RERE: variants seen among roughly 807,000 people sequenced by gnomAD.
RERE encodes arginine-glutamic acid dipeptide repeats, also known as arginine-glutamic acid dipeptide repeats protein.
In RERE, 40 loss-of-function variants were observed where a neutral mutation model predicts 146.1. That is an observed-to-expected ratio of 0.27 (90% CI 0.21 to 0.36). The LOEUF (loss-of-function observed/expected upper bound fraction) is 0.36. RERE is among the 10% of genes least tolerant of loss of function. The pLI is 1.00. For synonymous variants in RERE, 1,003 were observed against 866.0 expected (o/e 1.16, Z -2.78); for missense variants, 1,933 against 2,138.7 (o/e 0.90, Z 1.90).
At chr1:8,472,130 G>T (rs969632649) in intron 10 of RERE, among the ~76,000 whole-genome samples, 2 of 152,130 alleles carry the variant, frequency 1.3e-5, no homozygotes, top group Admixed American at 1.3e-4. Context: ...TCTTTCTTTA[G>T]ATGAGGATAA....
At chr1:8,608,368 G>A (rs866285950) in intron 4 of RERE, among the ~76,000 whole-genome samples, 4 of 152,076 alleles carry the variant, frequency 2.6e-5, no homozygotes, top group African/African-American at 9.7e-5. Flanking sequence ...TAAATTTTAG[G>A]TAGCATACAC....
At chr1:8,465,883 C>A in intron 11 of RERE, 42 bp downstream of exon 11, 1 of 1,559,364 alleles carries the variant, frequency 6.4e-7, no homozygotes, top group South Asian at 1.1e-5. Flanking sequence ...CGCCGGTGGC[C>A]CGATGCCCCA....
chr1:8,696,544 G>A (rs957292802), intron 1 of RERE, among the ~76,000 whole-genome samples: 1 of 152,112 alleles, frequency 6.6e-6, no homozygotes, highest in African/African-American at 2.4e-5. Flanking sequence ...CACCCGCAAG[G>A]TGGAGGTTGC....
At chr1:8,567,404 ACACT>A (rs942247413) in intron 4 of RERE, among the ~76,000 whole-genome samples, 13 of 152,236 alleles carry the variant, frequency 8.5e-5, no homozygotes, top group African/African-American at 2.9e-4. Context: ...CTACATACAA[ACACT>A]CAGAAAGATG....
chr1:8,428,589 G>GT (rs1570219402), intron 11 of RERE: 2 of 152,066 alleles, frequency 1.3e-5, no homozygotes, highest in Admixed American at 6.5e-5. Flanking sequence ...CTTTAAAAAA[G>GT]TAAGTTACCT....
intron 7 of RERE, among the ~76,000 whole-genome samples, chr1:8,510,588 G>A (rs1054046671): frequency 6.6e-6 from 1 of 152,180 alleles, no homozygotes; most frequent in Admixed American, 6.5e-5. Flanking sequence ...AATCACAAGC[G>A]CTTCTTTAAG....
chr1:8,387,922 C>A (rs914516131), intron 12 of RERE, among the ~76,000 whole-genome samples: 18 of 152,140 alleles, frequency 1.2e-4, no homozygotes, highest in African/African-American at 4.3e-4. Context: ...CTAAAGAATT[C>A]GTGTGCATGT....
At chr1:8,624,165 A>G (rs1646947220) in intron 3 of RERE, 145 bp downstream of exon 3, 1 of 645,042 alleles carries the variant, frequency 1.6e-6, no homozygotes, top group South Asian at 2.0e-5. Flanking sequence ...CCCTCATTTC[A>G]GTGCTACTGC....
chr1:8,606,705 T>C (rs912582187), intron 4 of RERE, among the ~76,000 whole-genome samples: 1 of 152,168 alleles, frequency 6.6e-6, no homozygotes, highest in Non-Finnish European at 1.5e-5. Flanking sequence ...ACACAGCATG[T>C]TTCTTGAAAA....
At chr1:8,363,166 C>T (rs1046450521) in intron 15 of RERE, among the ~76,000 whole-genome samples, 1 of 152,230 alleles carries the variant, frequency 6.6e-6, no homozygotes, top group Non-Finnish European at 1.5e-5. Context: ...TCGCCTGGGG[C>T]CATCTTTAAA....
At chr1:8,468,416 A>G (rs1644632712) in intron 10 of RERE, among the ~76,000 whole-genome samples, 1 of 152,214 alleles carries the variant, frequency 6.6e-6, no homozygotes, top group Admixed American at 6.5e-5. Context: ...TCACAGGTCA[A>G]CGTGGATTGG....
chr1:8,663,043 T>C (rs1638491467), intron 1 of RERE, among the ~76,000 whole-genome samples: 1 of 152,192 alleles, frequency 6.6e-6, no homozygotes, highest in Admixed American at 6.5e-5. Flanking sequence ...TAATAAGCTA[T>C]GGAAGATATA....
At chr1:8,472,060 C>T (rs1174269237) in intron 10 of RERE, among the ~76,000 whole-genome samples, 5 of 152,162 alleles carry the variant, frequency 3.3e-5, no homozygotes, top group Non-Finnish European at 7.4e-5. Flanking sequence ...GATCTGCCCA[C>T]CTCGGCTTCC....
At chr1:8,697,914 G>A (rs1418170836) in intron 1 of RERE, among the ~76,000 whole-genome samples, 2 of 151,890 alleles carry the variant, frequency 1.3e-5, no homozygotes, top group Non-Finnish European at 2.9e-5. Flanking sequence ...GTATTGAAAG[G>A]CCTGTCTTTT....
At chr1:8,654,678 G>A (rs541909838) in intron 2 of RERE, among the ~76,000 whole-genome samples, 3 of 150,036 alleles carry the variant, frequency 2.0e-5, no homozygotes, top group Non-Finnish European at 3.0e-5. Context: ...CTGTTGCCCA[G>A]GCTAGAAAGC....
chr1:8,579,211 A>G (rs1646333588), intron 4 of RERE, among the ~76,000 whole-genome samples: 1 of 152,176 alleles, frequency 6.6e-6, no homozygotes, highest in Admixed American at 6.5e-5. Flanking sequence ...GCCTACTACC[A>G]TCACATGATG....
At chr1:8,688,720 G>T (rs1308704269) in intron 1 of RERE, among the ~76,000 whole-genome samples, 1 of 152,172 alleles carries the variant, frequency 6.6e-6, no homozygotes, top group South Asian at 2.1e-4. Flanking sequence ...CTGTCCATTT[G>T]TCCATCCATT....
At chr1:8,441,680 C>T (rs1444396863) in intron 11 of RERE, among the ~76,000 whole-genome samples, 1 of 152,162 alleles carries the variant, frequency 6.6e-6, no homozygotes, top group Non-Finnish European at 1.5e-5. Flanking sequence ...ATTCAAATAA[C>T]TGAGTGACAC....
In RERE at chr1:8,647,954, C is replaced by A. The variant is rs142406073; in HGVS notation, c.325+8019G>T. On this transcript the variant is annotated intron_variant, in intron 2 of 22. Coordinates refer to ENST00000400908, the MANE Select transcript of RERE (RefSeq NM_001042681.2). ...TAGTTGCATGTTATCTTTACTTTTT[C>A]TTTTAAGGCAAACTTTTACTGAAGT... Among the ~76,000 whole-genome samples, 167 of 152,196 alleles carry A rather than the reference C, an allele frequency of 1.1e-3. 2 individuals carry two copies. The East Asian group carries it at 0.026, about 23-fold the overall frequency.
Sources: allele counts gnomAD v4.1 joint callset (sites outside exome capture counted in the v4.1 genomes callset), GRCh38; gene constraint gnomAD v4.1.1; transcripts MANE v1.5; gene names NCBI Gene and HGNC (gene_info 2026-07-23, HGNC 2026-07-21).